RABGAP1L: variants seen among roughly 807,000 people sequenced by gnomAD.
RABGAP1L encodes RAB GTPase activating protein 1 like, also known as rab GTPase-activating protein 1-like.
Under a neutral mutation model 137.7 loss-of-function variants are expected in RABGAP1L, and 63 were observed. The observed-to-expected ratio is 0.46, with a 90% CI of 0.37 to 0.56. The LOEUF is 0.56. Among genes scored for constraint, RABGAP1L ranks in the 20% least tolerant of loss-of-function variants. The probability of loss-of-function intolerance (pLI) is 0.00; values close to 1 mark genes in which losing one functional copy is unlikely to be tolerated. For missense variants in RABGAP1L, 1,095 were observed against 1,244.0 expected, an observed-to-expected ratio of 0.88 and a Z score of 1.80; for synonymous variants, 431 against 433.7, an observed-to-expected ratio of 0.99 and a Z score of 0.08.
chr1:174,452,843 G>A lies in RABGAP1L; in HGVS notation c.1710+58698G>A, dbSNP rs547131138. Among the ~76,000 whole-genome samples the A allele has an allele frequency of 5.9e-5, 9 of 152,182 alleles. 1 individual carries two copies. In the South Asian group the frequency reaches 1.7e-3, roughly 28 times the overall value. ...CCTGAAGTGCTGGGATTACAGGTGTGAGCCACTGCACCCAGCCGGTAGCTG... is the reference window on the plus strand; with the variant it reads ...CCTGAAGTGCTGGGATTACAGGTGTAAGCCACTGCACCCAGCCGGTAGCTG... On this transcript the variant is annotated intron_variant, in intron 13 of 25. Coordinates refer to ENST00000681986, the MANE Select transcript of RABGAP1L (RefSeq NM_001366446.1).
chr1:174,330,127 C>T (rs1045320118), intron 11 of RABGAP1L, among the ~76,000 whole-genome samples: 3 of 152,046 alleles, frequency 2.0e-5, no homozygotes, highest in African/African-American at 7.2e-5. Context: ...TGTTTGCAGA[C>T]AATATGATTA....
At chr1:174,852,084 TTTTAA>T (rs1380927044) in intron 19 of RABGAP1L, among the ~76,000 whole-genome samples, 1 of 152,264 alleles carries the variant, frequency 6.6e-6, no homozygotes, top group Non-Finnish European at 1.5e-5. Context: ...CAATTAATTC[TTTTAA>T]TTTAACAGTG....
intron 11 of RABGAP1L, among the ~76,000 whole-genome samples, chr1:174,309,626 C>T (rs1678628635): frequency 6.6e-6 from 1 of 151,936 alleles, no homozygotes; most frequent in East Asian, 1.9e-4. Context: ...GATTTTTATC[C>T]TTCATTCTGT....
intron 13 of RABGAP1L, among the ~76,000 whole-genome samples, chr1:174,506,585 C>T (rs1282485592): frequency 6.6e-6 from 1 of 151,880 alleles, no homozygotes; most frequent in Non-Finnish European, 1.5e-5. Context: ...TAAATTTAAG[C>T]AAGGAAGTGA....
At chr1:174,570,145 G>A (rs1025157130) in intron 13 of RABGAP1L, among the ~76,000 whole-genome samples, 1 of 152,074 alleles carries the variant, frequency 6.6e-6, no homozygotes, top group African/African-American at 2.4e-5. Context: ...TTGCTGACAG[G>A]CAATCCTAAA....
chr1:174,749,737 A>T (rs1923818), intron 17 of RABGAP1L, among the ~76,000 whole-genome samples: 56,660 of 151,980 alleles, frequency 0.37, 13,915 homozygotes, highest in African/African-American at 0.7. Context: ...AGACATCCTA[A>T]AAAGGTTCTA....
intron 1 of RABGAP1L, among the ~76,000 whole-genome samples, chr1:174,186,055 A>G (rs1391931330): frequency 8.6e-5 from 13 of 151,972 alleles, no homozygotes; most frequent in Admixed American, 8.5e-4. Flanking sequence ...GAGGCAGGAG[A>G]ATCGCTTGAA....
At position 174,386,813 on chromosome 1, in the gene RABGAP1L, GT is replaced by G. The variant is rs536900908; in HGVS notation, c.1560-7177del. The stretch of plus-strand genomic sequence containing the variant: ...TGAGCCACCGCACCGGCCTAGATTA[GT>G]TTTTATAAGAGCATGTAGAAGTTCT... On this transcript the variant is annotated intron_variant, in intron 12 of 25. Transcript: ENST00000681986. 1.6e-3 allele frequency among the ~76,000 whole-genome samples: 236 copies of G among 152,190 alleles called. 1 individual carries two copies. The highest frequency in any genetic ancestry group is 3.9e-3 in the Admixed American group (60 of 15,288).
At chr1:174,528,299 A>C (rs780713043) in intron 13 of RABGAP1L, among the ~76,000 whole-genome samples, 2 of 151,764 alleles carry the variant, frequency 1.3e-5, no homozygotes, top group Non-Finnish European at 2.9e-5. Context: ...TTTGTGCTTA[A>C]GTTTTAAACA....
At position 174,203,019 on chromosome 1, in the gene RABGAP1L, A is replaced by G. The variant is rs147315238; in HGVS notation, c.-33-16106A>G. The stretch of plus-strand genomic sequence containing the variant: ...AAGCTCATGAATTTAATTAGATCCC[A>G]CTTGTCCTTTTTTTCCTTTATTGTG... On this transcript the variant is annotated intron_variant, in intron 1 of 25. Transcript: ENST00000681986. Among the ~76,000 whole-genome samples the G allele has an allele frequency of 7.2e-5, 11 of 152,134 alleles. No individual in the cohort carries two copies. The East Asian group carries it at 2.1e-3, about 29-fold the overall frequency.
intron 20 of RABGAP1L, among the ~76,000 whole-genome samples, chr1:174,960,511 C>T (rs904602560): frequency 2.0e-5 from 3 of 151,976 alleles, no homozygotes; most frequent in Admixed American, 6.6e-5. Flanking sequence ...TTTTAAAACT[C>T]GACATATCTT....
chr1:174,548,277 A>G (rs1666181100), intron 13 of RABGAP1L: 1 of 1,335,860 alleles, frequency 7.5e-7, no homozygotes, highest in Non-Finnish European at 9.6e-7. Context: ...TTTGCTATAT[A>G]ACATTAGTTA....
intron 14 of RABGAP1L, among the ~76,000 whole-genome samples, chr1:174,646,572 A>G (rs932697067): frequency 6.6e-6 from 1 of 151,966 alleles, no homozygotes; most frequent in African/African-American, 2.4e-5. Flanking sequence ...TGGTCTATAT[A>G]TCTGTTTTGA....
chr1:174,984,279 G>C (rs1378875062), intron 24 of RABGAP1L, among the ~76,000 whole-genome samples: 1 of 152,006 alleles, frequency 6.6e-6, no homozygotes, highest in Non-Finnish European at 1.5e-5. Flanking sequence ...ATAACAAAAT[G>C]AGAATTTATA....
At chr1:174,171,789 T>C (rs1571355973) in intron 1 of RABGAP1L, among the ~76,000 whole-genome samples, 1 of 149,798 alleles carries the variant, frequency 6.7e-6, no homozygotes, top group Non-Finnish European at 1.5e-5. Flanking sequence ...GATCACGAGG[T>C]CAGGAGTTCG....
intron 18 of RABGAP1L, among the ~76,000 whole-genome samples, chr1:174,773,163 G>GGTGTGTGTGTGTGTGTGTGT (rs9286899): frequency 0.053 from 7,922 of 149,558 alleles, 298 homozygotes; most frequent in Non-Finnish European, 0.08. Context: ...TAAGCTATGG[G>GGTGTGTGTGTGTGTGTGTGT]GTGTGTGTGT....
At chr1:174,172,700 G>T (rs534586839) in intron 1 of RABGAP1L, among the ~76,000 whole-genome samples, 1 of 151,900 alleles carries the variant, frequency 6.6e-6, no homozygotes, top group Admixed American at 6.6e-5. Context: ...GGGTTATTTC[G>T]TTTTGTTTTG....
At chr1:174,296,618 A>G (rs1677149262) in intron 10 of RABGAP1L, among the ~76,000 whole-genome samples, 1 of 152,224 alleles carries the variant, frequency 6.6e-6, no homozygotes, top group Non-Finnish European at 1.5e-5. Flanking sequence ...TATTGAAGGT[A>G]TTTGAAGACA....
intron 13 of RABGAP1L, among the ~76,000 whole-genome samples, chr1:174,613,814 G>C (rs1051126895): frequency 1.5e-4 from 23 of 152,072 alleles, no homozygotes; most frequent in Non-Finnish European, 2.9e-4. Flanking sequence ...TTATGTAATG[G>C]CCTTCTTTGT....
Sources: gnomAD v4.1 joint callset for allele counts (sites outside exome capture counted in the v4.1 genomes callset) on GRCh38, gnomAD v4.1.1 for gene constraint, MANE v1.5 for transcripts, NCBI Gene and HGNC (gene_info 2026-07-23, HGNC 2026-07-21) for gene names.